The following PIP4K2A variants were observed in gnomAD, a reference collection of about 807,000 sequenced individuals.
PIP4K2A encodes phosphatidylinositol 5-phosphate 4-kinase type-2 alpha.
Under a neutral mutation model 42.9 loss-of-function variants are expected in PIP4K2A, and 14 were observed. That is an observed-to-expected ratio of 0.33 (90% CI 0.22 to 0.51). The LOEUF is 0.51. Among genes scored for constraint, PIP4K2A ranks in the 20% least tolerant of loss-of-function variants. The pLI, the probability that PIP4K2A is intolerant of heterozygous loss-of-function variation, is 0.97. For missense variants in PIP4K2A, 434 were observed against 519.8 expected, an observed-to-expected ratio of 0.83 and a Z score of 1.61; for synonymous variants, 192 against 192.2, an observed-to-expected ratio of 1.00 and a Z score of 0.01.
intron 1 of PIP4K2A, among the ~76,000 whole-genome samples, chr10:22,706,054 T>G (rs1298569597): frequency 6.6e-6 from 1 of 151,880 alleles, no homozygotes; most frequent in Non-Finnish European, 1.5e-5. Context: ...TTAGGTCTCG[T>G]GAGAACTAAC....
intron 1 of PIP4K2A, among the ~76,000 whole-genome samples, chr10:22,622,233 C>T (rs1320615677): frequency 2.0e-5 from 3 of 152,188 alleles, no homozygotes; most frequent in Non-Finnish European, 4.4e-5. Flanking sequence ...ACCTCTGTGC[C>T]GGTGGCCACT....
At chr10:22,684,996 C>T (rs1220950395) in intron 1 of PIP4K2A, among the ~76,000 whole-genome samples, 1 of 152,134 alleles carries the variant, frequency 6.6e-6, no homozygotes, top group Non-Finnish European at 1.5e-5. Flanking sequence ...GGAACCCGTG[C>T]AATAACAGAA....
intron 1 of PIP4K2A, among the ~76,000 whole-genome samples, chr10:22,662,327 A>G (rs887355157): frequency 6.6e-6 from 1 of 152,178 alleles, no homozygotes; most frequent in African/African-American, 2.4e-5. Flanking sequence ...CCCAAATATA[A>G]TTCAAAGAAT....
At chr10:22,666,518 C>T (rs1839356095) in intron 1 of PIP4K2A, among the ~76,000 whole-genome samples, 1 of 152,190 alleles carries the variant, frequency 6.6e-6, no homozygotes. Flanking sequence ...TTATCAAATA[C>T]TTAAGTAGAA....
At chr10:22,672,556 G>T (rs541697285) in intron 1 of PIP4K2A, among the ~76,000 whole-genome samples, 3 of 152,334 alleles carry the variant, frequency 2.0e-5, no homozygotes, top group African/African-American at 7.2e-5. Flanking sequence ...AACCCAGCCA[G>T]ATCTGTGGGG....
chr10:22,627,630 A>AAAAAAAAG (rs1346625282), intron 1 of PIP4K2A, among the ~76,000 whole-genome samples: 7 of 118,134 alleles, frequency 5.9e-5, no homozygotes, highest in Non-Finnish European at 1.1e-4. Context: ...AAAAAAAAAA[A>AAAAAAAAG]AGATAAGGAA....
rs1365564872 is a variant in PIP4K2A, at chr10:22,619,690, G to A, written c.145-9973C>T. On this transcript the variant is annotated intron_variant, in intron 1 of 9. Coordinates refer to ENST00000376573, the MANE Select transcript of PIP4K2A (RefSeq NM_005028.5). Reference sequence around the variant, plus strand: ...GACCTCAGGTGATCCACCCGCGTTGGCCTCCCAAAGTGCTGGGATTACAGG... The same window carrying A: ...GACCTCAGGTGATCCACCCGCGTTGACCTCCCAAAGTGCTGGGATTACAGG... 2.6e-5 allele frequency among the ~76,000 whole-genome samples: 4 copies of A among 152,054 alleles called. No individual in the cohort carries two copies. In the East Asian group the frequency reaches 7.7e-4, roughly 29 times the overall value.
intron 1 of PIP4K2A, among the ~76,000 whole-genome samples, chr10:22,708,727 T>G (rs981644315): frequency 6.6e-6 from 1 of 152,160 alleles, no homozygotes; most frequent in African/African-American, 2.4e-5. Context: ...GTATGATAAA[T>G]GCACAGTCTC....
intron 4 of PIP4K2A, among the ~76,000 whole-genome samples, chr10:22,585,006 CCA>C: frequency 6.6e-6 from 1 of 152,298 alleles, no homozygotes; most frequent in East Asian, 1.9e-4. Flanking sequence ...AAGGCGGCCT[CCA>C]CAGACTCCCC....
intron 4 of PIP4K2A, among the ~76,000 whole-genome samples, chr10:22,573,821 C>G (rs1837046854): frequency 6.6e-6 from 1 of 152,232 alleles, no homozygotes; most frequent in Non-Finnish European, 1.5e-5. Context: ...CCCCCAAAGC[C>G]CTGACTACAA....
chr10:22,704,427 G>T (rs187338789), intron 1 of PIP4K2A, among the ~76,000 whole-genome samples: 1 of 152,072 alleles, frequency 6.6e-6, no homozygotes, highest in African/African-American at 2.4e-5. Flanking sequence ...GTAAGTTGAC[G>T]GTTGCCAGGT....
intron 1 of PIP4K2A, among the ~76,000 whole-genome samples, chr10:22,637,308 TAC>T (rs1447812758): frequency 6.6e-6 from 1 of 152,182 alleles, no homozygotes; most frequent in Non-Finnish European, 1.5e-5. Context: ...CGATCTAAGA[TAC>T]AGATTCCATA....
At chr10:22,575,263 C>T (rs1197891347) in intron 4 of PIP4K2A, among the ~76,000 whole-genome samples, 2 of 152,176 alleles carry the variant, frequency 1.3e-5, no homozygotes, top group African/African-American at 4.8e-5. Context: ...TCCCAACTGA[C>T]ATACAGACAT....
chr10:22,631,200 T>C (rs1024182217), intron 1 of PIP4K2A, among the ~76,000 whole-genome samples: 1 of 152,224 alleles, frequency 6.6e-6, no homozygotes, highest in Admixed American at 6.5e-5. Context: ...ATAGTGATAA[T>C]AACAGACTGT....
intron 3 of PIP4K2A, among the ~76,000 whole-genome samples, chr10:22,600,982 A>G (rs1289987255): frequency 6.6e-6 from 1 of 152,014 alleles, no homozygotes; most frequent in African/African-American, 2.4e-5. Flanking sequence ...AAAAGAATAT[A>G]AAAATGAAAG....
In PIP4K2A at chr10:22,714,289, G is replaced by A. The variant is rs777709107; in HGVS notation, c.38C>T (p.Ala13Val). ...CTTCTTCTTGGTCTTGGTCTTGCTC[G>A]CCAGGACAGAGGACCCTAGGTTGCC... Reference protein sequence around the residue: ...TPGNLGSSVLASKTKTKKKHF... With the variant: ...TPGNLGSSVLVSKTKTKKKHF... Residue 13 changes from alanine to valine, a missense_variant, in exon 1 of 10, where the codon GCG becomes GTG. Around this residue, in one of 2 missense-constraint regions of PIP4K2A, gnomAD observed 395 missense variants for 444.5 expected, o/e 0.89. Transcript: ENST00000376573. The A allele has an allele frequency of 1.4e-5, 23 of 1,611,540 alleles. No homozygotes were observed. Among genetic ancestry groups the A allele is most frequent in the Non-Finnish European group, 2.0e-5 (23 of 1,178,756 alleles).
chr10:22,700,692 A>T (rs749519694), intron 1 of PIP4K2A, among the ~76,000 whole-genome samples: 6 of 152,220 alleles, frequency 3.9e-5, no homozygotes, highest in Non-Finnish European at 5.9e-5. Context: ...TGTGCAGGTC[A>T]TGTAGAATGC....
At chr10:22,600,715 GTCTGCAGTTGACATA>G (rs1157301786) in intron 3 of PIP4K2A, among the ~76,000 whole-genome samples, 1 of 152,130 alleles carries the variant, frequency 6.6e-6, no homozygotes, top group East Asian at 1.9e-4. Context: ...TGCTTTCTGG[GTCTGCAGTTGACATA>G]TCTGAGCGAG....
At chr10:22,615,647 T>C (rs1284318760) in intron 1 of PIP4K2A, among the ~76,000 whole-genome samples, 3 of 152,226 alleles carry the variant, frequency 2.0e-5, no homozygotes, top group African/African-American at 7.2e-5. Flanking sequence ...TTAGGTTAGC[T>C]GAACAAAGTG....
Sources: gnomAD v4.1 joint callset for allele counts (sites outside exome capture counted in the v4.1 genomes callset) on GRCh38, gnomAD v4.1.1 for gene constraint, gnomAD v4.1.1 regional missense constraint, MANE v1.5 for transcripts, NCBI Gene and HGNC (gene_info 2026-07-23, HGNC 2026-07-21) for gene names.